SSBP2: variants seen among roughly 807,000 people sequenced by gnomAD.
SSBP2 encodes the protein single-stranded DNA-binding protein 2.
Under a neutral mutation model 61.8 loss-of-function variants are expected in SSBP2, and 17 were observed. The ratio of observed to expected loss-of-function variants is 0.28; its 90% CI spans 0.19 to 0.41. SSBP2 has a LOEUF of 0.41. SSBP2 is among the 10% of genes least tolerant of loss of function. The pLI is 1.00. For missense variants in SSBP2, 310 were observed against 458.7 expected, an observed-to-expected ratio of 0.68 and a Z score of 2.96; for synonymous variants, 139 against 141.3, an observed-to-expected ratio of 0.98 and a Z score of 0.12.
intron 4 of SSBP2, among the ~76,000 whole-genome samples, chr5:81,579,247 TA>T (rs1774466792): frequency 1.3e-5 from 2 of 152,164 alleles, no homozygotes; most frequent in African/African-American, 2.4e-5. Context: ...TTTTTTTTCA[TA>T]AAGTTTTTCT....
rs183400845 is a variant in SSBP2 at position 81,739,999 on chromosome 5, T to C, written c.62+10982A>G. Among the ~76,000 whole-genome samples the C allele has an allele frequency of 2.1e-3, 316 of 152,292 alleles. 1 individual carries two copies. The highest frequency in any genetic ancestry group is 0.01 in the Middle Eastern group (3 of 294). On this transcript the variant is annotated intron_variant, in intron 1 of 16. Coordinates refer to ENST00000320672, the MANE Select transcript of SSBP2 (RefSeq NM_012446.5). ...ATCACTCTTGTCGATTATACTCCTA[T>C]CTTACAGAAAAGCATCAACAACCTT...
At position 81,749,189 on chromosome 5, in the gene SSBP2, G is replaced by A. The variant is rs146184517; in HGVS notation, c.62+1792C>T. On this transcript the variant is annotated intron_variant, in intron 1 of 16. Coordinates refer to ENST00000320672, the MANE Select transcript of SSBP2 (RefSeq NM_012446.5). The stretch of plus-strand genomic sequence containing the variant: ...CAAAACTTCAATTCTAGTAACTGCC[G>A]TTTCTTAACCAGGCTATAACGCTAT... Among the ~76,000 whole-genome samples the A allele has an allele frequency of 2.2e-3, 336 of 152,166 alleles. 2 individuals carry two copies. The highest frequency in any genetic ancestry group is 7.6e-3 in the African/African-American group (317 of 41,524).
chr5:81,423,526 C>T lies in SSBP2; in HGVS notation c.1057-2993G>A, dbSNP rs184840748. On this transcript the variant is annotated intron_variant, in intron 16 of 16. Coordinates refer to ENST00000320672, the MANE Select transcript of SSBP2 (RefSeq NM_012446.5). Reference sequence around the variant, plus strand: ...TTGGGAGGCTGAGGCGGGTGGATCACGAGGTCAGGAGTTTGAGACCAGCCT... The same window carrying T: ...TTGGGAGGCTGAGGCGGGTGGATCATGAGGTCAGGAGTTTGAGACCAGCCT... 3.0e-3 allele frequency among the ~76,000 whole-genome samples: 454 copies of T among 151,968 alleles called. 2 individuals carry two copies. Among genetic ancestry groups the T allele is most frequent in the African/African-American group, 0.011 (444 of 41,464 alleles).
Position 81,417,479 on chromosome 5 carries a change from T to C in SSBP2, c.*3025A>G, listed in dbSNP as rs1015462728. The C allele has an allele frequency of 6.6e-6, 1 of 152,210 alleles. No individual in the cohort carries two copies. Among genetic ancestry groups the C allele is most frequent in the Non-Finnish European group, 1.5e-5 (1 of 68,042 alleles). 9.4% of individuals were successfully genotyped at this position (152,210 alleles called of 1,614,324 possible). On this transcript the variant is annotated 3_prime_UTR_variant, in exon 17 of 17. Coordinates refer to ENST00000320672, the MANE Select transcript of SSBP2 (RefSeq NM_012446.5). ...TCATTTTACATGTGTATTTAATATGTTCAATGCAGCAAGAATTGCTGATAT... is the reference window on the plus strand; with the variant it reads ...TCATTTTACATGTGTATTTAATATGCTCAATGCAGCAAGAATTGCTGATAT...
intron 4 of SSBP2, among the ~76,000 whole-genome samples, chr5:81,605,973 G>C (rs1372461329): frequency 6.6e-6 from 1 of 152,108 alleles, no homozygotes; most frequent in Non-Finnish European, 1.5e-5. Flanking sequence ...AAGAGTATCT[G>C]GGAAATAGAC....
intron 4 of SSBP2, among the ~76,000 whole-genome samples, chr5:81,519,988 T>C (rs1201238916): frequency 6.7e-6 from 1 of 149,844 alleles, no homozygotes; most frequent in Non-Finnish European, 1.5e-5. Context: ...TTTTCCCCCC[T>C]CTTTTTTTTT....
chr5:81,675,471 T>C (rs1751893348), intron 1 of SSBP2, among the ~76,000 whole-genome samples: 1 of 152,134 alleles, frequency 6.6e-6, no homozygotes, highest in Non-Finnish European at 1.5e-5. Context: ...AATATACCAT[T>C]TTAGGGATGC....
At chr5:81,478,175 T>C (rs898164423) in intron 6 of SSBP2, among the ~76,000 whole-genome samples, 1 of 152,106 alleles carries the variant, frequency 6.6e-6, no homozygotes, top group Non-Finnish European at 1.5e-5. Context: ...TTTTTTTATT[T>C]TTTAGAGAAA....
intron 5 of SSBP2, among the ~76,000 whole-genome samples, chr5:81,496,475 C>T (rs898841452): frequency 2.6e-5 from 4 of 152,066 alleles, no homozygotes; most frequent in African/African-American, 7.2e-5. Flanking sequence ...CCACAGCACC[C>T]GGCCAGAACT....
chr5:81,665,746 C>T (rs978017863), intron 1 of SSBP2, among the ~76,000 whole-genome samples: 1 of 152,198 alleles, frequency 6.6e-6, no homozygotes, highest in Non-Finnish European at 1.5e-5. Context: ...CTCAGGTGAT[C>T]TACCCGCCTT....
chr5:81,733,754 C>T (rs549682049), intron 1 of SSBP2, among the ~76,000 whole-genome samples: 74 of 152,292 alleles, frequency 4.9e-4, no homozygotes, highest in African/African-American at 1.8e-3. Context: ...TTTCTCAGTA[C>T]AGTGGCTGTA....
At chr5:81,456,597 G>GA (rs201889812) in intron 10 of SSBP2, among the ~76,000 whole-genome samples, 3,821 of 138,424 alleles carry the variant, frequency 0.028, 154 homozygotes, top group African/African-American at 0.094. Context: ...TCGTGAAAAA[G>GA]AAAAAAAAAA....
intron 1 of SSBP2, among the ~76,000 whole-genome samples, chr5:81,722,143 G>T (rs1034561884): frequency 5.9e-5 from 9 of 151,932 alleles, no homozygotes; most frequent in Non-Finnish European, 1.3e-4. Context: ...AAATGCTAAC[G>T]AAAAATAAAA....
In SSBP2 at chr5:81,479,734, T is replaced by C. The variant is rs1199017697; in HGVS notation, c.433-5172A>G. ...TGCGCCAGGAATTGTGCTAAGTCCT[T>C]AGTATTTCTTTCAATGTTTAAACAA... On this transcript the variant is annotated intron_variant, in intron 6 of 16. Coordinates refer to ENST00000320672, the MANE Select transcript of SSBP2 (RefSeq NM_012446.5). Among the ~76,000 whole-genome samples the C allele has an allele frequency of 2.0e-5, 3 of 152,206 alleles. No individual in the cohort carries two copies. The East Asian group carries it at 5.8e-4, about 29-fold the overall frequency.
rs761388344 is a variant in SSBP2 at position 81,473,750 on chromosome 5, G to A, written c.520C>T (p.Pro174Ser). The A allele has an allele frequency of 2.5e-6, 4 of 1,613,698 alleles. No homozygotes were observed. The highest frequency in any genetic ancestry group is 2.2e-5 in the South Asian group (2 of 91,056). ...CTTGGAGGAGTCATTCTCTGCATTGGCCCACCCATATTTGGATGTCCTAAA... is the reference window on the plus strand; with the variant it reads ...CTTGGAGGAGTCATTCTCTGCATTGACCCACCCATATTTGGATGTCCTAAA... The change falls in exon 8 of 17, where the codon CCA becomes TCA. Residue 174 changes from proline (P) to serine (S), a missense_variant. Physicochemically the swap from Pro to Ser is moderately conservative, Grantham distance 74 (BLOSUM62 -1). Around this residue, in one of 4 missense-constraint regions of SSBP2, gnomAD observed 209 missense variants for 286.4 expected, o/e 0.73. Transcript: ENST00000320672.
chr5:81,481,861 CA>C (rs200854989), intron 6 of SSBP2, among the ~76,000 whole-genome samples: 3,050 of 151,928 alleles, frequency 0.02, 88 homozygotes, highest in African/African-American at 0.061. Flanking sequence ...TTAAAATAGT[CA>C]GTAAATCATG....
intron 1 of SSBP2, among the ~76,000 whole-genome samples, chr5:81,699,330 A>G (rs1753804394): frequency 6.6e-6 from 1 of 152,192 alleles, no homozygotes. Flanking sequence ...GTAGCATGCT[A>G]TGCTGTTTGA....
chr5:81,751,028 G>T lies in SSBP2; in HGVS notation c.15C>A (p.Gly5=). ...ACGGGACGGCGCTGCTGTTACTCTT[G>T]CCTTTGCCGTACATGCTTGTGCCGA... The change falls in exon 1 of 17, where the codon GGC becomes GGA. Residue 5 remains glycine (G), a synonymous_variant. Transcript: ENST00000320672. 1.3e-6 allele frequency: 2 copies of T among 1,598,894 alleles called. No individual in the cohort carries two copies. Among genetic ancestry groups the T allele is most frequent in the South Asian group, 1.1e-5 (1 of 88,406 alleles).
At chr5:81,749,567 T>A (rs915993452) in intron 1 of SSBP2, among the ~76,000 whole-genome samples, 1 of 152,272 alleles carries the variant, frequency 6.6e-6, no homozygotes, top group East Asian at 1.9e-4. Context: ...TTCTCTGGTC[T>A]GAACCCCCTC....
Sources: gnomAD v4.1 joint callset for allele counts (sites outside exome capture counted in the v4.1 genomes callset) on GRCh38, gnomAD v4.1.1 for gene constraint, gnomAD v4.1.1 regional missense constraint, MANE v1.5 for transcripts, NCBI Gene and HGNC (gene_info 2026-07-23, HGNC 2026-07-21) for gene names.